FAT4: variants seen among roughly 807,000 people sequenced by gnomAD.
FAT4 encodes the protein protocadherin Fat 4.
FAT4 carries 84 observed loss-of-function variants against 303.9 expected under a neutral mutation model. The observed-to-expected ratio is 0.28, with a 90% confidence interval of 0.23 to 0.33. The LOEUF (loss-of-function observed/expected upper bound fraction) is 0.33, where lower values mean the gene tolerates loss of function less well. Among genes scored for constraint, FAT4 ranks in the 10% least tolerant of loss-of-function variants. The pLI, the probability that FAT4 is intolerant of heterozygous loss-of-function variation, is 1.00. For synonymous variants in FAT4, 2,307 were observed against 2,298.8 expected, an observed-to-expected ratio of 1.00 and a Z score of -0.10; for missense variants, 6,005 against 6,146.8, an observed-to-expected ratio of 0.98 and a Z score of 0.77.
chr4:125,342,344 G>A (rs1260486793), intron 2 of FAT4, among the ~76,000 whole-genome samples: 1 of 151,900 alleles, frequency 6.6e-6, no homozygotes, highest in Non-Finnish European at 1.5e-5. Context: ...TTTTTATCAA[G>A]CTCAAATAAT....
At chr4:125,398,640 G>A in intron 2 of FAT4, 144 bp from the exon 3 acceptor site, 2 of 702,922 alleles carry the variant, frequency 2.8e-6, no homozygotes, top group Non-Finnish European at 4.7e-6. Flanking sequence ...TTCCCTAGGG[G>A]TAGTTTCTGT....
At position 125,394,098 on chromosome 4, in the gene FAT4, G is replaced by A. The variant is rs1245294459; in HGVS notation, c.5176-4686G>A. 6 of 676,896 alleles carry A rather than the reference G, an allele frequency of 8.9e-6. No homozygotes were observed. In the Admixed American group the frequency reaches 1.1e-4, roughly 12 times the overall value. 41.9% of individuals were successfully genotyped at this position (676,896 alleles called of 1,614,324 possible). ...AAAGGACCAGATATCTAAGCACAAA[G>A]GTCAACATTTGGTAGGCATGCAGAA... On this transcript the variant is annotated intron_variant, in intron 2 of 17. Coordinates refer to ENST00000394329, the MANE Select transcript of FAT4 (RefSeq NM_001291303.3).
At chr4:125,423,319 T>G (rs539555142) in intron 7 of FAT4, among the ~76,000 whole-genome samples, 1 of 149,632 alleles carries the variant, frequency 6.7e-6, no homozygotes, top group Non-Finnish European at 1.5e-5. Flanking sequence ...TTTCCTTGGG[T>G]GGGCCCAGGG....
chr4:125,447,386 T>G (rs999442478), intron 9 of FAT4, among the ~76,000 whole-genome samples: 2 of 152,242 alleles, frequency 1.3e-5, no homozygotes, highest in Middle Eastern at 3.4e-3. Flanking sequence ...AATCTGAGAA[T>G]GATACCAATC....
Position 125,449,204 on chromosome 4 carries a change from C to T in FAT4, c.8194C>T (p.Pro2732Ser). The T allele has an allele frequency of 1.2e-6, 2 of 1,613,866 alleles. No individual in the cohort carries two copies. The highest frequency in any genetic ancestry group is 1.7e-6 in the Non-Finnish European group (2 of 1,179,894). Residue 2732 changes from proline (P) to serine (S), a missense_variant, in exon 10 of 18, where the codon CCT (proline) becomes TCT (serine). By Grantham distance (74) the Pro-to-Ser change is moderately conservative. Coordinates refer to ENST00000394329, the MANE Select transcript of FAT4 (RefSeq NM_001291303.3). ...TACTGGTGAAATTAGAAGCGTTAGA[C>T]CTTTGGACAGGGAAAAAGTATCTCA... The part of the protein sequence containing the change: ...HATGEIRSVR[P>S]LDREKVSHYV...
chr4:125,463,407 G>A (rs1298430570), intron 10 of FAT4, among the ~76,000 whole-genome samples, 156 bp from the exon 11 acceptor site: 1 of 151,882 alleles, frequency 6.6e-6, no homozygotes, highest in Non-Finnish European at 1.5e-5. Flanking sequence ...TAAATTCTAA[G>A]ATATTATTCT....
chr4:125,335,076 A>T (rs1731518447), intron 2 of FAT4, among the ~76,000 whole-genome samples: 1 of 152,096 alleles, frequency 6.6e-6, no homozygotes, highest in African/African-American at 2.4e-5. Flanking sequence ...AAAATGAAGG[A>T]AGTGGGAGTA....
At chr4:125,382,693 CT>C (rs1733586938) in intron 2 of FAT4, among the ~76,000 whole-genome samples, 1 of 152,198 alleles carries the variant, frequency 6.6e-6, no homozygotes, top group Non-Finnish European at 1.5e-5. Context: ...TCCTTTGAAG[CT>C]TCAAAGCCAG....
At chr4:125,388,888 A>C (rs1733869595) in intron 2 of FAT4, among the ~76,000 whole-genome samples, 2 of 152,150 alleles carry the variant, frequency 1.3e-5, no homozygotes, top group Admixed American at 6.5e-5. Context: ...GCTACTCTCC[A>C]AGCCTGCCTG....
intron 7 of FAT4, among the ~76,000 whole-genome samples, chr4:125,418,151 G>C (rs1027442587): frequency 7.2e-5 from 11 of 152,124 alleles, no homozygotes; most frequent in African/African-American, 2.7e-4. Flanking sequence ...GCAGCTATTA[G>C]ATCCCAGATG....
At chr4:125,390,997 A>G (rs2390834) in intron 2 of FAT4, among the ~76,000 whole-genome samples, 144,920 of 152,204 alleles carry the variant, frequency 0.95, 69,379 homozygotes, top group East Asian at 1. Flanking sequence ...TCAGAATGGC[A>G]ATTATTAAAA....
intron 2 of FAT4, among the ~76,000 whole-genome samples, chr4:125,357,064 T>C (rs935015638): frequency 2.1e-4 from 32 of 152,040 alleles, no homozygotes; most frequent in African/African-American, 6.3e-4. Context: ...CCAGTAATAA[T>C]GCTGAATGAA....
intron 2 of FAT4, among the ~76,000 whole-genome samples, chr4:125,360,366 A>G (rs1207865220): frequency 6.6e-6 from 1 of 152,074 alleles, no homozygotes; most frequent in Admixed American, 6.6e-5. Context: ...TTTTCAAAAC[A>G]TTTTCATCAC....
At chr4:125,425,889 C>G (rs185437762) in intron 7 of FAT4, among the ~76,000 whole-genome samples, 1 of 152,076 alleles carries the variant, frequency 6.6e-6, no homozygotes, top group South Asian at 2.1e-4. Context: ...CTTCAGGGAA[C>G]AGTTCAGTTA....
chr4:125,481,123 A>G (rs2126086834), intron 15 of FAT4, among the ~76,000 whole-genome samples: 2 of 152,296 alleles, frequency 1.3e-5, no homozygotes, highest in East Asian at 3.9e-4. Context: ...CTAGAGACTA[A>G]AGATTACAAA....
intron 9 of FAT4, among the ~76,000 whole-genome samples, chr4:125,448,052 G>T (rs1725888502): frequency 6.6e-6 from 1 of 152,062 alleles, no homozygotes; most frequent in African/African-American, 2.4e-5. Flanking sequence ...ACACACTAGA[G>T]CAACGGTATC....
At position 125,446,307 on chromosome 4, in the gene FAT4, G is replaced by A; in HGVS notation, c.7214G>A (p.Gly2405Asp). The A allele has an allele frequency of 6.2e-7, 1 of 1,612,208 alleles. No homozygotes were observed. The highest frequency in any genetic ancestry group is 8.5e-7 in the Non-Finnish European group (1 of 1,178,728). ...TTCTGCTTTAGTTATAGGATCATCG[G>A]TGGAAACTCTCAGTTCACGATCAAC... ...KNAVISYRII[G>D]GNSQFTINPS... The change falls in exon 9 of 18, where the codon GGT becomes GAT. Residue 2405 changes from glycine (G) to aspartate (D), a missense_variant. Transcript: ENST00000394329.
In FAT4 at chr4:125,450,672, C is replaced by T; in HGVS notation, c.9662C>T (p.Thr3221Ile). 6.2e-7 allele frequency: 1 copy of T among 1,614,076 alleles called. No individual in the cohort carries two copies. Among genetic ancestry groups the T allele is most frequent in the Non-Finnish European group, 8.5e-7 (1 of 1,179,990 alleles). The change falls in exon 10 of 18, where the codon ACA becomes ATA. Residue 3221 changes from threonine (T) to isoleucine (I), a missense_variant. By Grantham distance (89) the Thr-to-Ile change is moderately conservative. Transcript: ENST00000394329. ...SGTTVIHLNA[T>I]DADSGTNAVI... ...ACAACAGTTATCCACCTAAATGCAA[C>T]AGATGCTGACTCTGGAACAAATGCT...
chr4:125,381,752 G>A (rs1466203283), intron 2 of FAT4, among the ~76,000 whole-genome samples: 3 of 152,118 alleles, frequency 2.0e-5, no homozygotes, highest in Non-Finnish European at 4.4e-5. Context: ...AGATTTCTCT[G>A]TAGCATTCAA....
Sources: gnomAD v4.1 joint callset for allele counts (sites outside exome capture counted in the v4.1 genomes callset) on GRCh38, gnomAD v4.1.1 for gene constraint, MANE v1.5 for transcripts, NCBI Gene and HGNC (gene_info 2026-07-23, HGNC 2026-07-21) for gene names.